The following RUFY1 variants were observed in gnomAD, a reference collection of about 807,000 sequenced individuals.
RUFY1 encodes RUN and FYVE domain-containing protein 1.
In RUFY1, 54 loss-of-function variants were observed where a neutral mutation model predicts 94.6. That is an observed-to-expected ratio of 0.57 (90% CI 0.46 to 0.72). The LOEUF (loss-of-function observed/expected upper bound fraction) is 0.72, where lower values mean the gene tolerates loss of function less well. RUFY1 is among the 30% of genes least tolerant of loss of function. The probability of loss-of-function intolerance (pLI) is 0.00; values close to 1 mark genes in which losing one functional copy is unlikely to be tolerated. For synonymous variants in RUFY1, 396 were observed against 347.3 expected (o/e 1.14, Z -1.56); for missense variants, 883 against 883.9 (o/e 1.00, Z 0.01).
intron 3 of RUFY1, among the ~76,000 whole-genome samples, chr5:179,567,078 A>AAAAATAT (rs749359024): frequency 9.2e-5 from 14 of 152,028 alleles, no homozygotes; most frequent in Non-Finnish European, 1.8e-4. Flanking sequence ...ATAAAAAATA[A>AAAAATAT]AAAGTACGTT....
At chr5:179,573,461 T>C (rs10072759) in intron 5 of RUFY1, among the ~76,000 whole-genome samples, 1 of 152,190 alleles carries the variant, frequency 6.6e-6, no homozygotes, top group African/African-American at 2.4e-5. Flanking sequence ...GGATGCGGTT[T>C]CTCACGTTTA....
intron 4 of RUFY1, 48 bp downstream of exon 4, chr5:179,567,610 G>T: frequency 7.2e-7 from 1 of 1,389,446 alleles, no homozygotes; most frequent in Non-Finnish European, 1.0e-6. Context: ...TAAATAATTA[G>T]AACATAGGCT....
chr5:179,565,855 C>T (rs927673954), intron 3 of RUFY1, among the ~76,000 whole-genome samples: 1 of 152,050 alleles, frequency 6.6e-6, no homozygotes, highest in Non-Finnish European at 1.5e-5. Flanking sequence ...GAAAGTTGCA[C>T]AGTTGGCCAG....
chr5:179,580,241 G>A (rs868167828), intron 6 of RUFY1, among the ~76,000 whole-genome samples: 13,087 of 93,782 alleles, frequency 0.14, 948 homozygotes, highest in African/African-American at 0.25. Context: ...GTGTGTGTGT[G>A]TATATTTTTT....
At chr5:179,577,275 G>C (rs1437729789) in intron 6 of RUFY1, 139 bp downstream of exon 6, 3 of 554,554 alleles carry the variant, frequency 5.4e-6, no homozygotes, top group Admixed American at 3.2e-5. Flanking sequence ...GGGTTCAAGC[G>C]ATTCTTCTGC....
chr5:179,565,988 A>C (rs1026264624), intron 3 of RUFY1, among the ~76,000 whole-genome samples: 6 of 152,036 alleles, frequency 3.9e-5, no homozygotes, highest in African/African-American at 1.4e-4. Context: ...CAAAAAAAAA[A>C]AATTAGTTGG....
intron 15 of RUFY1, among the ~76,000 whole-genome samples, chr5:179,603,159 G>A (rs1380819961): frequency 6.6e-6 from 1 of 152,042 alleles, no homozygotes; most frequent in Non-Finnish European, 1.5e-5. Flanking sequence ...CAGCTACTCG[G>A]GAGGCTGAGA....
chr5:179,592,621 C>T (rs757645705), intron 10 of RUFY1, among the ~76,000 whole-genome samples: 88 of 152,180 alleles, frequency 5.8e-4, no homozygotes, highest in Non-Finnish European at 1.1e-3. Context: ...CAATTCTCTC[C>T]GTCATAACCT....
intron 16 of RUFY1, 60 bp downstream of exon 16, chr5:179,605,984 C>T (rs765429875): frequency 1.1e-5 from 13 of 1,150,090 alleles, no homozygotes; most frequent in South Asian, 2.4e-5. Flanking sequence ...CCCGTGTGCT[C>T]GTACGTTTAA....
At chr5:179,579,768 G>C (rs565122282) in intron 6 of RUFY1, among the ~76,000 whole-genome samples, 1 of 142,216 alleles carries the variant, frequency 7.0e-6, no homozygotes, top group Admixed American at 7.6e-5. Flanking sequence ...AGTTCAATCA[G>C]TTCTCCTCCT....
At chr5:179,568,105 A>G (rs1161031390) in intron 4 of RUFY1, among the ~76,000 whole-genome samples, 3 of 150,948 alleles carry the variant, frequency 2.0e-5, no homozygotes, top group African/African-American at 7.3e-5. Flanking sequence ...TTAGCTGGGC[A>G]TGGTGGCATA....
At chr5:179,591,426 C>T (rs936444157) in intron 9 of RUFY1, among the ~76,000 whole-genome samples, 199 bp from the exon 10 acceptor site, 17 of 152,158 alleles carry the variant, frequency 1.1e-4, no homozygotes, top group Admixed American at 6.5e-4. Context: ...CCTCGTGATC[C>T]GCCCGCCTCG....
Position 179,555,772 on chromosome 5 carries a change from CAT to C in RUFY1, c.311-4252_311-4251del, listed in dbSNP as rs774625257. 79 of 318,072 alleles carry C rather than the reference CAT, an allele frequency of 2.5e-4. 1 individual carries two copies. Among genetic ancestry groups the C allele is most frequent in the South Asian group, 1.8e-3 (79 of 44,640 alleles). 19.7% of individuals were successfully genotyped at this position (318,072 alleles called of 1,614,324 possible). A position where few individuals can be genotyped will look rare whatever the true frequency, so the allele number is the denominator to read the frequency against. ...CCTCCCAAGCAGCTGGGATTACAAG[CAT>C]GCACCACCACGCCCAGGTAATTTTT... On this transcript the variant is annotated intron_variant, in intron 1 of 17. Transcript: ENST00000319449.
At chr5:179,555,945 A>G (rs952079088) in intron 1 of RUFY1, among the ~76,000 whole-genome samples, 1 of 151,268 alleles carries the variant, frequency 6.6e-6, no homozygotes, top group African/African-American at 2.4e-5. Flanking sequence ...TGATCTGCCC[A>G]CCTCGGCCTC....
chr5:179,573,258 C>T (rs1449594059), intron 5 of RUFY1, among the ~76,000 whole-genome samples: 2 of 152,148 alleles, frequency 1.3e-5, no homozygotes, highest in Non-Finnish European at 2.9e-5. Context: ...TGAACTTGAA[C>T]ATCGTTTTGT....
Position 179,550,897 on chromosome 5 carries a change from C to G in RUFY1, c.310+18C>G, listed in dbSNP as rs1233707681. ...GCGCGCAGGTAGGCTCGGGCCGGGT[C>G]TGTCCCGCGGCGGACTCGCGTGTCC... On this transcript the variant is annotated intron_variant, in intron 1 of 17. Coordinates refer to ENST00000319449, the MANE Select transcript of RUFY1 (RefSeq NM_025158.5). 8.9e-7 allele frequency: 1 copy of G among 1,125,646 alleles called. No individual in the cohort carries two copies. The highest frequency in any genetic ancestry group is 1.1e-6 in the Non-Finnish European group (1 of 921,762). 69.7% of individuals were successfully genotyped at this position (1,125,646 alleles called of 1,614,324 possible).
At chr5:179,559,088 C>A (rs137859822) in intron 1 of RUFY1, among the ~76,000 whole-genome samples, 2 of 152,272 alleles carry the variant, frequency 1.3e-5, no homozygotes, top group East Asian at 3.9e-4. Context: ...GCAAATATTT[C>A]CAAGACAATG....
Position 179,605,897 on chromosome 5 carries a change from T to C in RUFY1, c.1878T>C (p.Asp626=), listed in dbSNP as rs371703522. 4 of 1,609,312 alleles carry C rather than the reference T, an allele frequency of 2.5e-6. No homozygotes were observed. Among genetic ancestry groups the C allele is most frequent in the Non-Finnish European group, 2.5e-6 (3 of 1,178,040 alleles). ...TTAGGTCCAAGCTGAAGATGGAAGA[T>C]ATAAAAGAAGTGAACCAGGCACTGA... ...HLSQSKLKME[D]IKEVNQALKG... is the part of the protein sequence containing the mutation. The change falls in exon 16 of 18, where the codon GAT becomes GAC. Residue 626 remains aspartate, a synonymous_variant. Transcript: ENST00000319449.
rs186373115 is a variant in RUFY1, at chr5:179,609,147, C to T, written c.1984-229C>T. Among the ~76,000 whole-genome samples the T allele has an allele frequency of 1.7e-3, 246 of 142,914 alleles. 1 individual carries two copies. The highest frequency in any genetic ancestry group is 6.1e-3 in the African/African-American group (233 of 38,316). The allele number at this position is 142,914 out of a possible 152,430, so 93.8% of individuals were successfully genotyped here. Reference sequence around the variant, plus strand: ...GCGTGAACCTGGGAGGCAGAGCTTGCAGTGAGCTGAGATCGCGCCACTGCA... The same window carrying T: ...GCGTGAACCTGGGAGGCAGAGCTTGTAGTGAGCTGAGATCGCGCCACTGCA... On this transcript the variant is annotated intron_variant, in intron 17 of 17. Transcript: ENST00000319449.
Sources: gnomAD v4.1 joint callset for allele counts (sites outside exome capture counted in the v4.1 genomes callset) on GRCh38, gnomAD v4.1.1 for gene constraint, MANE v1.5 for transcripts, NCBI Gene and HGNC (gene_info 2026-07-23, HGNC 2026-07-21) for gene names.